The following GUCD1 variants were observed in gnomAD, a reference collection of about 807,000 sequenced individuals.
The protein encoded by GUCD1 is guanylyl cyclase domain containing 1.
A neutral mutation model predicts 28.3 loss-of-function variants in GUCD1; 17 were observed. The observed-to-expected ratio is 0.60, with a 90% CI of 0.41 to 0.90. The LOEUF (loss-of-function observed/expected upper bound fraction) is 0.90. GUCD1 is among the 40% of genes least tolerant of loss of function. The probability of loss-of-function intolerance (pLI) is 0.00; values close to 1 mark genes in which losing one functional copy is unlikely to be tolerated. For missense variants in GUCD1, 279 were observed against 305.5 expected, an observed-to-expected ratio of 0.91 and a Z score of 0.65; for synonymous variants, 129 against 123.3, an observed-to-expected ratio of 1.05 and a Z score of -0.30.
chr22:24,544,433 T>C (rs2044675322), intron 4 of GUCD1, among the ~76,000 whole-genome samples: 1 of 152,204 alleles, frequency 6.6e-6, no homozygotes, highest in Admixed American at 6.6e-5. Flanking sequence ...TGAATTCTTT[T>C]TGCCCAGCCC....
Position 24,543,865 on chromosome 22 carries a change from T to A in GUCD1, c.605A>T (p.Tyr202Phe), listed in dbSNP as rs1431298910. ...ACGGTCGGCATAGGCTGGGTTGTTGTAGAAGATGCAGCCAGTGGCCCGGTT... is the reference window on the plus strand; with the variant it reads ...ACGGTCGGCATAGGCTGGGTTGTTGAAGAAGATGCAGCCAGTGGCCCGGTT... ...GYNRATGCIF[Y>F]NNPAYADRMC... Residue 202 changes from tyrosine to phenylalanine, a missense_variant, in exon 5 of 6, where the codon TAC (tyrosine) becomes TTC (phenylalanine). Transcript: ENST00000435822. 4 of 1,613,820 alleles carry A rather than the reference T, an allele frequency of 2.5e-6. No homozygotes were observed. In the Admixed American group the frequency reaches 5.0e-5, roughly 20 times the overall value.
chr22:24,543,817 C>T, intron 5 of GUCD1, 25 bp downstream of exon 5: 2 of 1,610,490 alleles, frequency 1.2e-6, no homozygotes, highest in South Asian at 1.1e-5. Context: ...ACCACTCTGC[C>T]TCACCCACCC....
chr22:24,542,937 G>A lies in GUCD1; in HGVS notation c.*69C>T. 1 of 1,115,376 alleles carries A rather than the reference G, an allele frequency of 9.0e-7. No homozygotes were observed. Among genetic ancestry groups the A allele is most frequent in the South Asian group, 1.2e-5 (1 of 80,716 alleles). The allele number at this position is 1,115,376 out of a possible 1,614,324, so 69.1% of individuals were successfully genotyped here. On this transcript the variant is annotated 3_prime_UTR_variant, in exon 6 of 6. Transcript: ENST00000435822. ...CCCAGCAGCCCCAAGCCTGGGCCAG[G>A]GCATCCTGAGCGGGCCCGGCTGGGG...
Position 24,541,660 on chromosome 22 carries a change from T to A in GUCD1, c.*1346A>T, listed in dbSNP as rs1448587196. On this transcript the variant is annotated 3_prime_UTR_variant, in exon 6 of 6. Coordinates refer to ENST00000435822, the MANE Select transcript of GUCD1 (RefSeq NM_001284254.2). Reference sequence around the variant, plus strand: ...AAAAAAAAAAATCCATTTCCTTTAGTTTTTTAGGTGCAGACTGGGGTTCAA... The same window carrying A: ...AAAAAAAAAAATCCATTTCCTTTAGATTTTTAGGTGCAGACTGGGGTTCAA... 4 of 151,328 alleles carry A rather than the reference T, an allele frequency of 2.6e-5. No individual in the cohort carries two copies. The highest frequency in any genetic ancestry group is 5.9e-5 in the Non-Finnish European group (4 of 67,972). The allele number at this position is 151,328 out of a possible 1,614,324, so 9.4% of individuals were successfully genotyped here. A position where few individuals can be genotyped will look rare whatever the true frequency, so the allele number is the denominator to read the frequency against.
chr22:24,555,119 G>A lies in GUCD1; in HGVS notation c.-128C>T. 9 of 1,308,730 alleles carry A rather than the reference G, an allele frequency of 6.9e-6. No homozygotes were observed. Among genetic ancestry groups the A allele is most frequent in the African/African-American group, 3.1e-5 (2 of 64,508 alleles). The allele number at this position is 1,308,730 out of a possible 1,614,324, so 81.1% of individuals were successfully genotyped here. On this transcript the variant is annotated 5_prime_UTR_variant, in exon 1 of 6. Coordinates refer to ENST00000435822, the MANE Select transcript of GUCD1 (RefSeq NM_001284254.2). ...CCGCCACCGCCGCCGCTGCGGAGGAGAGAACGGGAGGCGGCGGCTGGGCCG... is the reference window on the plus strand; with the variant it reads ...CCGCCACCGCCGCCGCTGCGGAGGAAAGAACGGGAGGCGGCGGCTGGGCCG...
At chr22:24,555,812 C>G (rs1029821141), upstream of GUCD1, 1 of 1,547,570 alleles carries the variant, frequency 6.5e-7, no homozygotes, top group Non-Finnish European at 8.7e-7. Context: ...GCGGCGGCCC[C>G]CGGGCCCAGT....
chr22:24,543,293 A>C (rs989909270), intron 5 of GUCD1, among the ~76,000 whole-genome samples, 196 bp from the exon 6 acceptor site: 3 of 152,152 alleles, frequency 2.0e-5, no homozygotes, highest in African/African-American at 7.2e-5. Flanking sequence ...ACTCCTCCCC[A>C]GTAAAGCAGT....
At chr22:24,543,409 G>C (rs994278787) in intron 5 of GUCD1, among the ~76,000 whole-genome samples, 2 of 152,202 alleles carry the variant, frequency 1.3e-5, no homozygotes, top group African/African-American at 4.8e-5. Flanking sequence ...TCCAGTCTAT[G>C]AGAGTCAGGG....
Position 24,549,071 on chromosome 22 carries a change from A to G in GUCD1, c.44-70T>C, listed in dbSNP as rs1399760008. On this transcript the variant is annotated intron_variant, in intron 1 of 5. Coordinates refer to ENST00000435822, the MANE Select transcript of GUCD1 (RefSeq NM_001284254.2). Reference sequence around the variant, plus strand: ...CACCACTCCCACCCTCATGGGAGCCAGTGTCACTGCCTCCTGCCTAGACCC... The same window carrying G: ...CACCACTCCCACCCTCATGGGAGCCGGTGTCACTGCCTCCTGCCTAGACCC... The G allele has an allele frequency of 9.3e-6, 10 of 1,080,614 alleles. No individual in the cohort carries two copies. The Admixed American group carries it at 1.6e-4, about 18-fold the overall frequency. The allele number at this position is 1,080,614 out of a possible 1,614,324, so 66.9% of individuals were successfully genotyped here. A position where few individuals can be genotyped will look rare whatever the true frequency, so the allele number is the denominator to read the frequency against.
rs2044624507 is a variant in GUCD1 at position 24,542,763 on chromosome 22, G to A, written c.*243C>T. The A allele has an allele frequency of 2.1e-6, 1 of 472,768 alleles. No individual in the cohort carries two copies. Among genetic ancestry groups the A allele is most frequent in the East Asian group, 4.1e-5 (1 of 24,690 alleles). 29.3% of individuals were successfully genotyped at this position (472,768 alleles called of 1,614,324 possible). A position where few individuals can be genotyped will look rare whatever the true frequency, so the allele number is the denominator to read the frequency against. ...GTGGGCGCAGCTGGAGTCAAGGCTTGGGGTCTTGGGGTATGCTTCCAGCAG... is the reference window on the plus strand; with the variant it reads ...GTGGGCGCAGCTGGAGTCAAGGCTTAGGGTCTTGGGGTATGCTTCCAGCAG... On this transcript the variant is annotated 3_prime_UTR_variant, in exon 6 of 6. Coordinates refer to ENST00000435822, the MANE Select transcript of GUCD1 (RefSeq NM_001284254.2).
intron 1 of GUCD1, 139 bp downstream of exon 1, chr22:24,554,810 C>A (rs1030421443): frequency 3.0e-5 from 19 of 639,810 alleles, no homozygotes; most frequent in Admixed American, 9.1e-5. Flanking sequence ...TGTCAGGAAA[C>A]CCCCACTGAC....
chr22:24,552,769 CAAAAAAAAAAAAAG>C (rs1431662161), intron 1 of GUCD1, among the ~76,000 whole-genome samples: 1 of 110,912 alleles, frequency 9.0e-6, no homozygotes, highest in East Asian at 2.7e-4. Flanking sequence ...GACTCCATCT[CAAAAAAAAAAAAAG>C]GAAAAGGAAA....
rs2044628189 is a variant in GUCD1, at chr22:24,542,933, C to A, written c.*73G>T. On this transcript the variant is annotated 3_prime_UTR_variant, in exon 6 of 6. Transcript: ENST00000435822. ...CAACCCCAGCAGCCCCAAGCCTGGG[C>A]CAGGGCATCCTGAGCGGGCCCGGCT... 1 of 1,082,682 alleles carries A rather than the reference C, an allele frequency of 9.2e-7. No individual in the cohort carries two copies. The highest frequency in any genetic ancestry group is 1.7e-5 in the Admixed American group (1 of 58,812). 67.1% of individuals were successfully genotyped at this position (1,082,682 alleles called of 1,614,324 possible).
In GUCD1 at chr22:24,547,969, A is replaced by C; in HGVS notation, c.233T>G (p.Phe78Cys). 1 of 1,614,188 alleles carries C rather than the reference A, an allele frequency of 6.2e-7. No individual in the cohort carries two copies. Among genetic ancestry groups the C allele is most frequent in the Non-Finnish European group, 8.5e-7 (1 of 1,180,034 alleles). ...TIDLAYLMHH[F>C]GVRHRFCTQT... ...GGTACAGAAGCGGTGCCTCACGCCA[A>C]AGTGGTGCATCAGGTAGGCCAGGTC... Residue 78 changes from phenylalanine to cysteine, a missense_variant, in exon 3 of 6, where the codon TTT becomes TGT. By Grantham distance (205) the Phe-to-Cys change is radical. Transcript: ENST00000435822.
intron 2 of GUCD1, 54 bp from the exon 3 acceptor site, chr22:24,548,127 G>C: frequency 6.6e-7 from 1 of 1,507,848 alleles, no homozygotes; most frequent in South Asian, 1.1e-5. Flanking sequence ...CAACTGGTCT[G>C]AGTCACCCTC....
intron 4 of GUCD1, 52 bp downstream of exon 4, chr22:24,546,860 CTG>C: frequency 6.8e-7 from 1 of 1,479,694 alleles, no homozygotes; most frequent in Non-Finnish European, 9.4e-7. Flanking sequence ...CACTGCAGAT[CTG>C]TGGGTGAGCA....
intron 2 of GUCD1, 26 bp downstream of exon 2, chr22:24,548,890 TG>T: frequency 1.3e-6 from 2 of 1,533,274 alleles, no homozygotes; most frequent in Non-Finnish European, 1.8e-6. Context: ...GGGAAGCACC[TG>T]GGCCCCCAGC....
Position 24,542,943 on chromosome 22 carries a change from CT to C in GUCD1, c.*62del. ...AGCCCCAAGCCTGGGCCAGGGCATC[CT>C]GAGCGGGCCCGGCTGGGGTGGGGAT... is the stretch of plus-strand genomic sequence containing the variant. On this transcript the variant is annotated 3_prime_UTR_variant, in exon 6 of 6. Transcript: ENST00000435822. 4.0e-6 allele frequency: 5 copies of C among 1,241,782 alleles called. No individual in the cohort carries two copies. The highest frequency in any genetic ancestry group is 5.9e-6 in the Non-Finnish European group (5 of 842,200). 76.9% of individuals were successfully genotyped at this position (1,241,782 alleles called of 1,614,324 possible).
rs1384729618 is a variant in GUCD1, at chr22:24,555,132, G to GGCCC, written c.-142_-141insGGGC. ...CGCTGCGGAGGAGAGAACGGGAGGC[G>GGCCC]GCGGCTGGGCCGCCCCAAGCGCCGC... On this transcript the variant is annotated 5_prime_UTR_variant, in exon 1 of 6. Transcript: ENST00000435822. 6 of 1,304,090 alleles carry GGCCC rather than the reference G, an allele frequency of 4.6e-6. No individual in the cohort carries two copies. The highest frequency in any genetic ancestry group is 5.8e-6 in the Non-Finnish European group (6 of 1,028,370). 80.8% of individuals were successfully genotyped at this position (1,304,090 alleles called of 1,614,324 possible).
Sources: allele counts gnomAD v4.1 joint callset (sites outside exome capture counted in the v4.1 genomes callset), GRCh38; gene constraint gnomAD v4.1.1; transcripts MANE v1.5; gene names NCBI Gene and HGNC (gene_info 2026-07-23, HGNC 2026-07-21).